The following SEC24D variants were observed in gnomAD, a reference collection of about 807,000 sequenced individuals.
SEC24D encodes protein transport protein Sec24D.
Under a neutral mutation model 116.9 loss-of-function variants are expected in SEC24D, and 69 were observed. The ratio of observed to expected loss-of-function variants is 0.59; its 90% CI spans 0.49 to 0.72. SEC24D has a LOEUF of 0.72. Among genes scored for constraint, SEC24D ranks in the 30% least tolerant of loss-of-function variants. SEC24D has a pLI of 0.00. For missense variants in SEC24D, 1,131 were observed against 1,264.1 expected (o/e 0.89, Z 1.60); for synonymous variants, 405 against 442.8 (o/e 0.91, Z 1.07).
At chr4:118,811,645 C>T (rs1031902728) in intron 6 of SEC24D, among the ~76,000 whole-genome samples, 3 of 152,156 alleles carry the variant, frequency 2.0e-5, no homozygotes, top group Non-Finnish European at 4.4e-5. Context: ...AATATCAACT[C>T]TTCCCTGGGT....
intron 19 of SEC24D, among the ~76,000 whole-genome samples, chr4:118,737,400 A>T (rs1271268019): frequency 6.6e-6 from 1 of 152,190 alleles, no homozygotes; most frequent in Non-Finnish European, 1.5e-5. Flanking sequence ...CCATCTAGTA[A>T]GTGTGTTTGT....
At chr4:118,775,721 T>C (rs1314364988) in intron 8 of SEC24D, among the ~76,000 whole-genome samples, 1 of 152,182 alleles carries the variant, frequency 6.6e-6, no homozygotes, top group Non-Finnish European at 1.5e-5. Flanking sequence ...GTAAGATATT[T>C]CACCATTCAC....
chr4:118,746,295 T>C (rs1430142393), intron 13 of SEC24D, among the ~76,000 whole-genome samples: 1 of 149,902 alleles, frequency 6.7e-6, no homozygotes, highest in East Asian at 2.0e-4. Flanking sequence ...TCCACAGTCC[T>C]TTATCTGGGT....
chr4:118,733,068 C>T (rs1436264893), intron 19 of SEC24D, 156 bp from the exon 20 acceptor site: 1 of 619,242 alleles, frequency 1.6e-6, no homozygotes, highest in African/African-American at 1.9e-5. Context: ...CACACAGTAA[C>T]TGGCACAGAG....
At chr4:118,809,265 C>T (rs1036573803) in intron 6 of SEC24D, among the ~76,000 whole-genome samples, 1 of 151,830 alleles carries the variant, frequency 6.6e-6, no homozygotes, top group African/African-American at 2.4e-5. Context: ...AGCCACCTCA[C>T]CCAGCCTACA....
chr4:118,728,379 T>C (rs577302462), intron 22 of SEC24D, among the ~76,000 whole-genome samples, 182 bp downstream of exon 22: 2 of 152,206 alleles, frequency 1.3e-5, no homozygotes, highest in Admixed American at 1.3e-4. Context: ...TGTTTGTGAC[T>C]GGTAAGTAGG....
At chr4:118,760,491 T>C (rs1376868602) in intron 10 of SEC24D, 1 of 152,210 alleles carries the variant, frequency 6.6e-6, no homozygotes, top group East Asian at 1.9e-4. Context: ...GGGTCAGACT[T>C]TTCTTCCTTT....
chr4:118,787,869 G>A (rs558960890), intron 8 of SEC24D, among the ~76,000 whole-genome samples: 15 of 152,152 alleles, frequency 9.9e-5, no homozygotes, highest in Non-Finnish European at 2.2e-4. Flanking sequence ...CCAGGATAGA[G>A]TGACACTATG....
intron 8 of SEC24D, among the ~76,000 whole-genome samples, chr4:118,771,711 G>T (rs1160660299): frequency 2.0e-5 from 3 of 152,118 alleles, no homozygotes; most frequent in Non-Finnish European, 4.4e-5. Context: ...AAAAGAAGCA[G>T]ACATCAAGAT....
chr4:118,829,989 A>G (rs1196332584), intron 2 of SEC24D, among the ~76,000 whole-genome samples: 2 of 152,250 alleles, frequency 1.3e-5, no homozygotes, highest in Non-Finnish European at 2.9e-5. Flanking sequence ...CAGGAGACCA[A>G]TAAAAGCGTC....
rs577498622 is a variant in SEC24D at position 118,744,758 on chromosome 4, T to A, written c.1824+186A>T. Among the ~76,000 whole-genome samples the A allele has an allele frequency of 2.6e-5, 4 of 152,318 alleles. No individual in the cohort carries two copies. In the East Asian group the frequency reaches 7.7e-4, roughly 29 times the overall value. The stretch of plus-strand genomic sequence containing the variant: ...TATTTTAATTTACATATTTCAGACA[T>A]CGGTTTTTCTAGGAATATAAAATAT... On this transcript the variant is annotated intron_variant, in intron 14 of 22. Transcript: ENST00000280551.
chr4:118,788,316 A>G (rs1026602304), intron 8 of SEC24D, among the ~76,000 whole-genome samples: 1 of 152,230 alleles, frequency 6.6e-6, no homozygotes, highest in African/African-American at 2.4e-5. Flanking sequence ...AGCTTTCTGG[A>G]TTTATGAGAT....
intron 8 of SEC24D, among the ~76,000 whole-genome samples, chr4:118,776,917 CT>C (rs1193381066): frequency 6.6e-6 from 1 of 151,998 alleles, no homozygotes; most frequent in African/African-American, 2.4e-5. Flanking sequence ...CTTTCCACTC[CT>C]CAAAGGAAAG....
chr4:118,780,189 T>C (rs1728333835), intron 8 of SEC24D, among the ~76,000 whole-genome samples: 1 of 152,210 alleles, frequency 6.6e-6, no homozygotes, highest in Admixed American at 6.5e-5. Context: ...TTAATTGTGA[T>C]GTTAGGGTGT....
At chr4:118,809,847 G>A (rs1729828592) in intron 6 of SEC24D, among the ~76,000 whole-genome samples, 1 of 152,220 alleles carries the variant, frequency 6.6e-6, no homozygotes, top group Non-Finnish European at 1.5e-5. Flanking sequence ...TGGATATGGA[G>A]TGGTATGGAT....
intron 6 of SEC24D, among the ~76,000 whole-genome samples, chr4:118,812,408 C>T (rs932952903): frequency 2.0e-5 from 3 of 152,158 alleles, no homozygotes; most frequent in African/African-American, 7.2e-5. Context: ...TCCAAAACCA[C>T]CCTGGCCCGC....
intron 7 of SEC24D, among the ~76,000 whole-genome samples, chr4:118,804,518 A>G (rs990691930): frequency 2.0e-5 from 3 of 151,834 alleles, no homozygotes; most frequent in Non-Finnish European, 2.9e-5. Context: ...ATAGATATTA[A>G]AACACTTATA....
At chr4:118,815,779 GACTT>G in intron 4 of SEC24D, 53 bp from the exon 5 acceptor site, 1 of 1,582,810 alleles carries the variant, frequency 6.3e-7, no homozygotes, top group Non-Finnish European at 8.6e-7. Flanking sequence ...TCAACTCTCT[GACTT>G]CTGCAAAGTA....
intron 6 of SEC24D, among the ~76,000 whole-genome samples, chr4:118,808,689 T>C (rs2110516675): frequency 6.6e-6 from 1 of 152,350 alleles, no homozygotes; most frequent in Non-Finnish European, 1.5e-5. Flanking sequence ...TTAGATTTAA[T>C]GACAGTGATC....
Sources: allele counts gnomAD v4.1 joint callset (sites outside exome capture counted in the v4.1 genomes callset), GRCh38; gene constraint gnomAD v4.1.1; transcripts MANE v1.5; gene names NCBI Gene and HGNC (gene_info 2026-07-23, HGNC 2026-07-21).